SLC4A4: variants seen among roughly 807,000 people sequenced by gnomAD.
The protein encoded by SLC4A4 is electrogenic sodium bicarbonate cotransporter 1.
A neutral mutation model predicts 111.5 loss-of-function variants in SLC4A4; 27 were observed. The ratio of observed to expected loss-of-function variants is 0.24; its 90% CI spans 0.18 to 0.33. The LOEUF (loss-of-function observed/expected upper bound fraction) is 0.33. Among genes scored for constraint, SLC4A4 ranks in the 10% least tolerant of loss-of-function variants. SLC4A4 has a pLI of 1.00. For synonymous variants in SLC4A4, 443 were observed against 463.4 expected (o/e 0.96, Z 0.57); for missense variants, 909 against 1,315.5 (o/e 0.69, Z 4.78).
chr4:71,191,177 G>A (rs1745717194), intron 1 of SLC4A4, among the ~76,000 whole-genome samples: 1 of 152,202 alleles, frequency 6.6e-6, no homozygotes, highest in African/African-American at 2.4e-5. Flanking sequence ...AGGTGTATTA[G>A]ACACATTTTT....
chr4:71,387,709 G>T (rs1290745424), intron 6 of SLC4A4, among the ~76,000 whole-genome samples: 1 of 151,960 alleles, frequency 6.6e-6, no homozygotes, highest in African/African-American at 2.4e-5. Context: ...GGTCAGGCTG[G>T]GCTCAAACTC....
intron 7 of SLC4A4, among the ~76,000 whole-genome samples, chr4:71,399,020 A>C (rs377238612): frequency 6.6e-6 from 1 of 152,230 alleles, no homozygotes; most frequent in African/African-American, 2.4e-5. Context: ...TTTTGTTGTC[A>C]TTATTCTCTA....
At chr4:71,090,350 A>T (rs1341791974) in intron 1 of SLC4A4, among the ~76,000 whole-genome samples, 3 of 152,126 alleles carry the variant, frequency 2.0e-5, no homozygotes, top group Non-Finnish European at 4.4e-5. Flanking sequence ...TTCCCAGGTG[A>T]GGCAATGCCT....
At chr4:71,180,735 C>G (rs569965091) in intron 2 of SLC4A4, among the ~76,000 whole-genome samples, 1 of 152,284 alleles carries the variant, frequency 6.6e-6, no homozygotes, top group East Asian at 1.9e-4. Flanking sequence ...AATGGGAACA[C>G]TTTTACACTG....
chr4:71,107,612 G>A (rs1315935713), intron 2 of SLC4A4, among the ~76,000 whole-genome samples: 1 of 152,140 alleles, frequency 6.6e-6, no homozygotes, highest in Non-Finnish European at 1.5e-5. Flanking sequence ...GCCTCTCAAA[G>A]TGCCGGGATT....
At chr4:71,146,247 G>T (rs1413841318) in intron 2 of SLC4A4, among the ~76,000 whole-genome samples, 4 of 152,284 alleles carry the variant, frequency 2.6e-5, no homozygotes, top group Non-Finnish European at 5.9e-5. Flanking sequence ...TTTCCATGTA[G>T]TTGAGCGGTT....
chr4:71,140,569 A>G (rs1372298600), intron 2 of SLC4A4, among the ~76,000 whole-genome samples: 1 of 151,922 alleles, frequency 6.6e-6, no homozygotes, highest in Non-Finnish European at 1.5e-5. Context: ...CATTATTTTG[A>G]TTTTTCCTTC....
intron 16 of SLC4A4, among the ~76,000 whole-genome samples, chr4:71,516,159 G>A (rs1273386329): frequency 4.5e-5 from 5 of 110,904 alleles, no homozygotes; most frequent in Non-Finnish European, 8.3e-5. Flanking sequence ...GCAGTGGCAT[G>A]ATCTTGGCTC....
chr4:71,510,313 C>T (rs1731799067), intron 16 of SLC4A4, among the ~76,000 whole-genome samples: 1 of 152,202 alleles, frequency 6.6e-6, no homozygotes, highest in African/African-American at 2.4e-5. Context: ...TTCACTGCTT[C>T]TCCGGATCTC....
At chr4:71,147,493 T>C (rs1303612493) in intron 2 of SLC4A4, among the ~76,000 whole-genome samples, 2 of 152,082 alleles carry the variant, frequency 1.3e-5, no homozygotes, top group Non-Finnish European at 2.9e-5. Context: ...TGCTTTTCCT[T>C]CCTTTCTCCT....
intron 2 of SLC4A4, among the ~76,000 whole-genome samples, chr4:71,147,230 A>G (rs1256636145): frequency 2.0e-5 from 3 of 152,174 alleles, no homozygotes; most frequent in Non-Finnish European, 4.4e-5. Context: ...TTGTTGTTTA[A>G]CAAGAAGCCC....
Position 71,209,303 on chromosome 4 carries a change from AAAG to A in SLC4A4, c.-2+21906_-2+21908del, listed in dbSNP as rs1035049279. 3.0e-4 allele frequency among the ~76,000 whole-genome samples: 46 copies of A among 152,204 alleles called. 3 individuals are homozygous for A. On this transcript the variant is annotated intron_variant, in intron 1 of 25. Transcript: ENST00000264485. ...GAGCACTCTGTTAGGATCTTGGAAAAAAGAAGCAGCAGGGCACATTCCTCCCTA... is the reference window on the plus strand; with the variant it reads ...GAGCACTCTGTTAGGATCTTGGAAAAAAGCAGCAGGGCACATTCCTCCCTA...
intron 2 of SLC4A4, among the ~76,000 whole-genome samples, chr4:71,144,464 T>C (rs1425712080): frequency 1.3e-5 from 2 of 152,132 alleles, no homozygotes; most frequent in African/African-American, 4.8e-5. Flanking sequence ...TTTAAAGTAG[T>C]TTTTTCCAAT....
intron 8 of SLC4A4, among the ~76,000 whole-genome samples, chr4:71,443,729 T>C (rs1724983491): frequency 6.6e-6 from 1 of 152,188 alleles, no homozygotes; most frequent in Admixed American, 6.5e-5. Context: ...TTAAGTAAGC[T>C]CCAGACTGTT....
intron 3 of SLC4A4, among the ~76,000 whole-genome samples, chr4:71,327,864 A>G (rs1727629326): frequency 6.6e-6 from 1 of 151,948 alleles, no homozygotes; most frequent in Non-Finnish European, 1.5e-5. Flanking sequence ...GTTATATTAA[A>G]ATGTACAATA....
chr4:71,109,500 C>G (rs1239222217), intron 2 of SLC4A4, among the ~76,000 whole-genome samples: 2 of 151,908 alleles, frequency 1.3e-5, no homozygotes, highest in Non-Finnish European at 2.9e-5. Context: ...GAGCTCAGGT[C>G]CCTGATATTT....
chr4:71,403,943 T>G (rs2148989353), intron 7 of SLC4A4, among the ~76,000 whole-genome samples: 1 of 152,314 alleles, frequency 6.6e-6, no homozygotes, highest in South Asian at 2.1e-4. Flanking sequence ...AGCCCATTTC[T>G]TAATGTGTTA....
chr4:71,302,949 T>G (rs940685928), intron 3 of SLC4A4, among the ~76,000 whole-genome samples: 3 of 152,242 alleles, frequency 2.0e-5, no homozygotes, highest in Non-Finnish European at 4.4e-5. Flanking sequence ...CTCCTTAGAC[T>G]TTTTCACTTT....
At chr4:71,447,860 G>A (rs549477397) in intron 9 of SLC4A4, 127 bp downstream of exon 9, 9 of 735,608 alleles carry the variant, frequency 1.2e-5, no homozygotes, top group South Asian at 4.5e-5. Flanking sequence ...CATGAGGTAC[G>A]GTCATTTGAG....
Sources: allele counts gnomAD v4.1 joint callset (sites outside exome capture counted in the v4.1 genomes callset), GRCh38; gene constraint gnomAD v4.1.1; transcripts MANE v1.5; gene names NCBI Gene and HGNC (gene_info 2026-07-23, HGNC 2026-07-21).